HCRTR2: variants seen among roughly 807,000 people sequenced by gnomAD.
HCRTR2 encodes the protein orexin receptor type 2.
A neutral mutation model predicts 49.0 loss-of-function variants in HCRTR2; 22 were observed. That is an observed-to-expected ratio of 0.45 (90% CI 0.32 to 0.64). The LOEUF (loss-of-function observed/expected upper bound fraction) is 0.64, where lower values mean the gene tolerates loss of function less well. Among genes scored for constraint, HCRTR2 ranks in the 30% least tolerant of loss-of-function variants. The pLI is 0.04. For missense variants in HCRTR2, 491 were observed against 559.4 expected (o/e 0.88, Z 1.23); for synonymous variants, 236 against 205.3 (o/e 1.15, Z -1.28).
chr6:55,113,751 G>T (rs1224120504), intron 1 of HCRTR2, among the ~76,000 whole-genome samples: 1 of 151,872 alleles, frequency 6.6e-6, no homozygotes, highest in East Asian at 1.9e-4. Context: ...TCCTTAAAAA[G>T]CTCAAAGTAG....
At chr6:55,209,903 C>G (rs188952394) in intron 1 of HCRTR2, among the ~76,000 whole-genome samples, 2 of 151,984 alleles carry the variant, frequency 1.3e-5, no homozygotes, top group South Asian at 4.1e-4. Flanking sequence ...ATGTCATTTG[C>G]GTCTTCGAAG....
At chr6:55,119,876 T>C (rs1764171692) in intron 1 of HCRTR2, among the ~76,000 whole-genome samples, 2 of 152,106 alleles carry the variant, frequency 1.3e-5, no homozygotes, top group Non-Finnish European at 2.9e-5. Context: ...ATTGCCCAGG[T>C]TTTCTTCTAG....
intron 4 of HCRTR2, among the ~76,000 whole-genome samples, chr6:55,265,411 T>A (rs1766843308): frequency 6.6e-6 from 1 of 152,170 alleles, no homozygotes; most frequent in Non-Finnish European, 1.5e-5. Flanking sequence ...GAGGGCTGGC[T>A]GGGGCACTGT....
Position 55,180,211 on chromosome 6 carries a change from TG to T in HCRTR2, c.223+5402del, listed in dbSNP as rs535110850. On this transcript the variant is annotated intron_variant, in intron 1 of 6. Transcript: ENST00000370862. ...TAAGAAAAATGAATTCAAAGAGCAA[TG>T]CTAACTTACTCAAAAGTTTAGTCAG... is the stretch of plus-strand genomic sequence containing the variant. Among the ~76,000 whole-genome samples, 23 of 152,348 alleles carry T rather than the reference TG, an allele frequency of 1.5e-4. No homozygotes were observed. In the South Asian group the frequency reaches 4.8e-3, roughly 32 times the overall value.
chr6:55,113,080 A>T (rs1561974919), intron 1 of HCRTR2, among the ~76,000 whole-genome samples: 1 of 152,148 alleles, frequency 6.6e-6, no homozygotes. Context: ...AGCCACATGT[A>T]GAAGAATCAT....
chr6:55,268,332 A>T (rs1766900802), intron 4 of HCRTR2, among the ~76,000 whole-genome samples: 1 of 152,128 alleles, frequency 6.6e-6, no homozygotes, highest in African/African-American at 2.4e-5. Context: ...GTAAAATGGC[A>T]GATATATATT....
Position 55,282,580 on chromosome 6 carries a change from T to G in HCRTR2, c.*126T>G, listed in dbSNP as rs1195067697. ...TTGTGGATCTTTTTTTTTTTTAATC[T>G]ATTGCTCTTTGGAAATAAAAAAAAA... is the stretch of plus-strand genomic sequence containing the variant. On this transcript the variant is annotated 3_prime_UTR_variant, in exon 7 of 7. Coordinates refer to ENST00000370862, the MANE Select transcript of HCRTR2 (RefSeq NM_001384272.1). The G allele has an allele frequency of 1.6e-6, 1 of 644,386 alleles. No individual in the cohort carries two copies. The highest frequency in any genetic ancestry group is 2.7e-6 in the Non-Finnish European group (1 of 367,062). The allele number at this position is 644,386 out of a possible 1,614,324, so 39.9% of individuals were successfully genotyped here.
chr6:55,267,077 A>G (rs1242532466), intron 4 of HCRTR2, among the ~76,000 whole-genome samples: 1 of 152,154 alleles, frequency 6.6e-6, no homozygotes, highest in Admixed American at 6.6e-5. Flanking sequence ...TAGCAGCCAC[A>G]ATAAAGTGAA....
downstream of HCRTR2, among the ~76,000 whole-genome samples, chr6:55,284,641 A>G (rs1299469929): frequency 6.6e-6 from 1 of 152,086 alleles, no homozygotes; most frequent in Non-Finnish European, 1.5e-5. Flanking sequence ...CTGAGTATCA[A>G]TGTTGACTCT....
chr6:55,241,047 T>G (rs1420365449), intron 1 of HCRTR2, among the ~76,000 whole-genome samples: 1 of 151,774 alleles, frequency 6.6e-6, no homozygotes, highest in Non-Finnish European at 1.5e-5. Context: ...TATGTATACA[T>G]GTGCCATGCT....
At chr6:55,188,463 C>A (rs189885257) in intron 1 of HCRTR2, among the ~76,000 whole-genome samples, 2 of 152,282 alleles carry the variant, frequency 1.3e-5, no homozygotes, top group Admixed American at 6.5e-5. Context: ...GCAAAGATAT[C>A]TTTTTCATCC....
At position 55,260,968 on chromosome 6, in the gene HCRTR2, A is replaced by G. The variant is rs1446593219; in HGVS notation, c.647-2739A>G. On this transcript the variant is annotated intron_variant, in intron 3 of 6. Transcript: ENST00000370862. ...TAAAATACATAGAGGTAATAGCATT[A>G]TTCCTCAACAATACTATGGGATAAA... Among the ~76,000 whole-genome samples the G allele has an allele frequency of 2.6e-5, 4 of 152,244 alleles. No homozygotes were observed. The South Asian group carries it at 6.2e-4, about 24-fold the overall frequency.
chr6:55,171,630 A>C (rs1764950867), upstream of HCRTR2, among the ~76,000 whole-genome samples: 1 of 152,248 alleles, frequency 6.6e-6, no homozygotes, highest in African/African-American at 2.4e-5. Flanking sequence ...TTTAGAAGAA[A>C]GCACCAGAGA....
chr6:55,274,796 T>TTAGC (rs1767046726), intron 4 of HCRTR2, among the ~76,000 whole-genome samples: 1 of 152,184 alleles, frequency 6.6e-6, no homozygotes, highest in Admixed American at 6.5e-5. Flanking sequence ...TATTTAGTTG[T>TTAGC]TAGCTGTCTT....
chr6:55,150,972 A>G lies in HCRTR2; in HGVS notation c.-377-23239A>G, dbSNP rs530823112. ...TGCATATGGAAGTTATGTTTATACC[A>G]TACTGTAGTCTACTTAGTGAGCAAT... On this transcript the variant is annotated intron_variant, in intron 1 of 7. Transcript: ENST00000615358. Among the ~76,000 whole-genome samples, 13 of 152,188 alleles carry G rather than the reference A, an allele frequency of 8.5e-5. No homozygotes were observed. In the South Asian group the frequency reaches 2.7e-3, roughly 32 times the overall value.
chr6:55,108,161 T>C (rs949178965), intron 1 of HCRTR2, among the ~76,000 whole-genome samples: 13 of 152,148 alleles, frequency 8.5e-5, no homozygotes, highest in African/African-American at 3.1e-4. Flanking sequence ...TGATAATCAG[T>C]GGTTTTATTC....
chr6:55,143,005 T>TAGATAGAC (rs1554167797), intron 1 of HCRTR2, among the ~76,000 whole-genome samples: 13 of 149,518 alleles, frequency 8.7e-5, no homozygotes, highest in African/African-American at 3.0e-4. Flanking sequence ...GATAGATAGA[T>TAGATAGAC]AGACAGACAG....
chr6:55,145,005 C>T (rs1764559444), intron 1 of HCRTR2, among the ~76,000 whole-genome samples: 1 of 152,148 alleles, frequency 6.6e-6, no homozygotes, highest in Non-Finnish European at 1.5e-5. Context: ...TCTCCATTAG[C>T]ATATAACCCC....
intron 1 of HCRTR2, among the ~76,000 whole-genome samples, chr6:55,238,229 T>C (rs1021765143): frequency 1.3e-5 from 2 of 152,176 alleles, no homozygotes; most frequent in Non-Finnish European, 2.9e-5. Flanking sequence ...TACCTGCTAA[T>C]CATCCTCAGT....
Sources: gnomAD v4.1 joint callset for allele counts (sites outside exome capture counted in the v4.1 genomes callset) on GRCh38, gnomAD v4.1.1 for gene constraint, MANE v1.5 for transcripts, NCBI Gene and HGNC (gene_info 2026-07-23, HGNC 2026-07-21) for gene names.